The following COL25A1 variants were observed in gnomAD, a reference collection of about 807,000 sequenced individuals.
COL25A1 encodes the protein collagen alpha-1(XXV) chain.
Under a neutral mutation model 128.4 loss-of-function variants are expected in COL25A1, and 103 were observed. That is an observed-to-expected ratio of 0.80 (90% CI 0.68 to 0.94). The LOEUF is 0.94. Among genes scored for constraint, COL25A1 ranks in the 40% least tolerant of loss-of-function variants. The probability of loss-of-function intolerance (pLI) is 0.00; values close to 1 mark genes in which losing one functional copy is unlikely to be tolerated. For missense variants in COL25A1, 745 were observed against 840.0 expected, an observed-to-expected ratio of 0.89 and a Z score of 1.40; for synonymous variants, 279 against 277.2, an observed-to-expected ratio of 1.01 and a Z score of -0.06.
At chr4:109,005,452 CT>C (rs956264924) in intron 6 of COL25A1, among the ~76,000 whole-genome samples, 15 of 152,054 alleles carry the variant, frequency 9.9e-5, no homozygotes, top group African/African-American at 3.6e-4. Flanking sequence ...ATTTACAACC[CT>C]TTTTTGGGGG....
chr4:109,297,459 T>C (rs1255826440), intron 3 of COL25A1, among the ~76,000 whole-genome samples: 1 of 152,130 alleles, frequency 6.6e-6, no homozygotes, highest in African/African-American at 2.4e-5. Context: ...ATGGTTTACC[T>C]AAAAGGTCAA....
At chr4:109,161,191 T>A (rs1032619899) in intron 3 of COL25A1, among the ~76,000 whole-genome samples, 1 of 152,150 alleles carries the variant, frequency 6.6e-6, no homozygotes, top group African/African-American at 2.4e-5. Flanking sequence ...GGGGAAATTT[T>A]GCACCCGGGA....
chr4:108,909,554 CTAG>C (rs1743964812), intron 13 of COL25A1, among the ~76,000 whole-genome samples: 1 of 152,148 alleles, frequency 6.6e-6, no homozygotes, highest in South Asian at 2.1e-4. Flanking sequence ...AATAAGTCTG[CTAG>C]TTAACACTTT....
Position 109,302,582 on chromosome 4 carries a change from AAG to A in COL25A1, c.-472_-471del, listed in dbSNP as rs1210056284. 1 of 153,298 alleles carries A rather than the reference AAG, an allele frequency of 6.5e-6. No individual in the cohort carries two copies. Among genetic ancestry groups the A allele is most frequent in the African/African-American group, 2.4e-5 (1 of 41,496 alleles). 9.5% of individuals were successfully genotyped at this position (153,298 alleles called of 1,614,324 possible). On this transcript the variant is annotated 5_prime_UTR_variant, in exon 1 of 38. Transcript: ENST00000399132. ...CGCGAAAGGGGCGACTAAGGTGGAG[AAG>A]AGAGAGGAAAACGAAATAAACCCAA...
chr4:109,069,491 C>T (rs540664502), intron 3 of COL25A1, among the ~76,000 whole-genome samples: 1 of 152,090 alleles, frequency 6.6e-6, no homozygotes. Flanking sequence ...CCATGTCCAG[C>T]CCCTAATGAG....
intron 13 of COL25A1, among the ~76,000 whole-genome samples, chr4:108,912,127 T>C (rs948443218): frequency 5.3e-5 from 8 of 152,080 alleles, no homozygotes; most frequent in Non-Finnish European, 1.2e-4. Context: ...ACAAGTAAAA[T>C]TGAGTGAAAA....
chr4:109,118,655 G>C (rs1171468033), intron 3 of COL25A1, among the ~76,000 whole-genome samples: 2 of 151,888 alleles, frequency 1.3e-5, no homozygotes, highest in Non-Finnish European at 2.9e-5. Flanking sequence ...TAATAATAAA[G>C]GGGTTAACAT....
At chr4:109,093,822 GACA>G (rs760467787) in intron 3 of COL25A1, among the ~76,000 whole-genome samples, 9 of 151,952 alleles carry the variant, frequency 5.9e-5, no homozygotes, top group Non-Finnish European at 1.0e-4. Context: ...CAATTTGGAT[GACA>G]ACATTTTGTT....
chr4:109,155,096 A>G (rs1180423770), intron 3 of COL25A1, among the ~76,000 whole-genome samples: 1 of 152,230 alleles, frequency 6.6e-6, no homozygotes, highest in Non-Finnish European at 1.5e-5. Context: ...AAGTATATTC[A>G]TAAGATTAAA....
chr4:108,929,874 T>A (rs1374635221), intron 11 of COL25A1, among the ~76,000 whole-genome samples: 1 of 152,166 alleles, frequency 6.6e-6, no homozygotes, highest in Non-Finnish European at 1.5e-5. Context: ...CAATTTTGTG[T>A]AATTCTGTTG....
chr4:109,077,621 A>G (rs1763496144), intron 3 of COL25A1, among the ~76,000 whole-genome samples: 1 of 152,258 alleles, frequency 6.6e-6, no homozygotes, highest in Admixed American at 6.5e-5. Context: ...CAAACATTTT[A>G]GCCCCAGAGC....
At chr4:109,035,977 G>A (rs781321619) in intron 5 of COL25A1, among the ~76,000 whole-genome samples, 1 of 151,762 alleles carries the variant, frequency 6.6e-6, no homozygotes, top group Non-Finnish European at 1.5e-5. Context: ...GCTCAGGCTG[G>A]AGTGCAGTGG....
chr4:108,830,617 A>G (rs1321583255), intron 32 of COL25A1, among the ~76,000 whole-genome samples: 1 of 152,252 alleles, frequency 6.6e-6, no homozygotes, highest in Non-Finnish European at 1.5e-5. Context: ...TACAAGAGTA[A>G]CACTTTACGC....
chr4:109,201,603 C>T (rs1776563348), intron 3 of COL25A1, among the ~76,000 whole-genome samples: 1 of 152,124 alleles, frequency 6.6e-6, no homozygotes, highest in African/African-American at 2.4e-5. Flanking sequence ...TCCCTTCCCA[C>T]CACTTCTATT....
intron 3 of COL25A1, among the ~76,000 whole-genome samples, chr4:109,061,896 A>G (rs963768614): frequency 5.9e-4 from 90 of 152,314 alleles, no homozygotes; most frequent in African/African-American, 2.1e-3. Context: ...TATCTATCAC[A>G]CAGCAAGTAA....
chr4:109,192,025 T>G (rs1775664158), intron 3 of COL25A1, among the ~76,000 whole-genome samples: 1 of 152,222 alleles, frequency 6.6e-6, no homozygotes, highest in Non-Finnish European at 1.5e-5. Context: ...CTTCCTAAGT[T>G]AAATAGCCAT....
intron 3 of COL25A1, among the ~76,000 whole-genome samples, chr4:109,236,179 T>C (rs1779467914): frequency 6.6e-6 from 1 of 151,874 alleles, no homozygotes; most frequent in South Asian, 2.1e-4. Flanking sequence ...GGAGAAGTGA[T>C]TCACTTTACA....
intron 24 of COL25A1, among the ~76,000 whole-genome samples, chr4:108,854,969 C>G (rs754690827): frequency 6.6e-6 from 1 of 152,080 alleles, no homozygotes; most frequent in Non-Finnish European, 1.5e-5. Flanking sequence ...ATCCATGAAT[C>G]ATATTTTTGA....
At chr4:108,858,295 A>G (rs1736755793) in intron 24 of COL25A1, among the ~76,000 whole-genome samples, 1 of 152,096 alleles carries the variant, frequency 6.6e-6, no homozygotes, top group Non-Finnish European at 1.5e-5. Flanking sequence ...AAGGACCAGG[A>G]GGCACTAGGG....
Sources: allele counts gnomAD v4.1 joint callset (sites outside exome capture counted in the v4.1 genomes callset), GRCh38; gene constraint gnomAD v4.1.1; transcripts MANE v1.5; gene names NCBI Gene and HGNC (gene_info 2026-07-23, HGNC 2026-07-21).